The following GNPTAB variants were observed in gnomAD, a reference collection of about 807,000 sequenced individuals.
GNPTAB encodes the protein N-acetylglucosamine-1-phosphotransferase subunits alpha/beta.
A neutral mutation model predicts 136.6 loss-of-function variants in GNPTAB; 92 were observed. The observed-to-expected ratio is 0.67, with a 90% CI of 0.57 to 0.80. The LOEUF is 0.80. Ranked by LOEUF, GNPTAB falls within the 30% of genes least tolerant of loss-of-function variation. The pLI is 0.00. For missense variants in GNPTAB, 1,343 were observed against 1,501.8 expected, an observed-to-expected ratio of 0.89 and a Z score of 1.75; for synonymous variants, 512 against 535.1, an observed-to-expected ratio of 0.96 and a Z score of 0.60.
chr12:101,748,125 G>C (rs576800702), intron 20 of GNPTAB, among the ~76,000 whole-genome samples: 1 of 152,150 alleles, frequency 6.6e-6, no homozygotes, highest in South Asian at 2.1e-4. Flanking sequence ...TACCTGCCAG[G>C]AACAATGGTA....
chr12:101,754,365 G>A (rs1952869103), intron 18 of GNPTAB, among the ~76,000 whole-genome samples: 1 of 151,940 alleles, frequency 6.6e-6, no homozygotes, highest in Admixed American at 6.6e-5. Flanking sequence ...GGCAGAGGTT[G>A]CAGTCAGCAA....
intron 1 of GNPTAB, among the ~76,000 whole-genome samples, chr12:101,806,616 C>A (rs1869948271): frequency 6.6e-6 from 1 of 152,130 alleles, no homozygotes; most frequent in African/African-American, 2.4e-5. Flanking sequence ...CACTACAATA[C>A]CTTCCCCCCT....
At chr12:101,782,805 C>G (rs1187839256) in intron 5 of GNPTAB, among the ~76,000 whole-genome samples, 2 of 152,220 alleles carry the variant, frequency 1.3e-5, no homozygotes, top group Non-Finnish European at 2.9e-5. Flanking sequence ...TCCAGCCACA[C>G]TAGCCTCCTG....
chr12:101,805,263 T>C (rs1869872242), intron 1 of GNPTAB, among the ~76,000 whole-genome samples: 1 of 152,236 alleles, frequency 6.6e-6, no homozygotes, highest in Non-Finnish European at 1.5e-5. Context: ...CTTAATGTAT[T>C]TACCTCCACT....
At chr12:101,827,741 G>T (rs1198519345) in intron 1 of GNPTAB, among the ~76,000 whole-genome samples, 2 of 152,172 alleles carry the variant, frequency 1.3e-5, no homozygotes, top group East Asian at 3.8e-4. Context: ...AAGGCAGGCG[G>T]ATCACCTAAG....
chr12:101,767,404 A>T (rs1306411591), intron 11 of GNPTAB, among the ~76,000 whole-genome samples: 1 of 152,330 alleles, frequency 6.6e-6, no homozygotes, highest in Non-Finnish European at 1.5e-5. Flanking sequence ...TAATTCTGTG[A>T]CCTATCACAA....
Position 101,770,005 on chromosome 12 carries a change from C to T in GNPTAB, c.1284+16G>A, listed in dbSNP as rs1286776684. 2 of 1,612,770 alleles carry T rather than the reference C, an allele frequency of 1.2e-6. No homozygotes were observed. The highest frequency in any genetic ancestry group is 4.5e-5 in the East Asian group (2 of 44,878). On this transcript the variant is annotated intron_variant, in intron 10 of 20. Transcript: ENST00000299314. ...GACTTCCACGCTAGACAACCCCCCT[C>T]CTCTTAGGCACTCACCTTCTGGCCT...
rs2137119351 is a variant in GNPTAB at position 101,766,308 on chromosome 12, G to T, written c.1409-14C>A. 6.2e-7 allele frequency: 1 copy of T among 1,600,822 alleles called. No homozygotes were observed. The highest frequency in any genetic ancestry group is 8.6e-7 in the Non-Finnish European group (1 of 1,168,076). On this transcript the variant is annotated splice_polypyrimidine_tract_variant and intron_variant, in intron 11 of 20. Coordinates refer to ENST00000299314, the MANE Select transcript of GNPTAB (RefSeq NM_024312.5). ...CTCCACTGTTTCCTGTAGATCGGAGGAAGAAGAGGGATTCTTGCTGTAATT... is the reference window on the plus strand; with the variant it reads ...CTCCACTGTTTCCTGTAGATCGGAGTAAGAAGAGGGATTCTTGCTGTAATT...
At chr12:101,803,262 T>G (rs1230428439) in intron 1 of GNPTAB, among the ~76,000 whole-genome samples, 1 of 152,230 alleles carries the variant, frequency 6.6e-6, no homozygotes. Flanking sequence ...AAACAAAATT[T>G]GTTTTGCATG....
chr12:101,811,930 G>A (rs181456143), intron 1 of GNPTAB, among the ~76,000 whole-genome samples: 68 of 150,360 alleles, frequency 4.5e-4, no homozygotes, highest in African/African-American at 1.4e-3. Flanking sequence ...GAGCCGCTGC[G>A]TCCGGCCGGT....
chr12:101,797,383 G>C (rs1427005554), intron 1 of GNPTAB, among the ~76,000 whole-genome samples: 1 of 152,116 alleles, frequency 6.6e-6, no homozygotes, highest in Admixed American at 6.6e-5. Context: ...CTAGCACTTT[G>C]GGAGGCTGAG....
intron 1 of GNPTAB, among the ~76,000 whole-genome samples, chr12:101,808,783 T>C (rs1295389467): frequency 1.3e-5 from 2 of 152,112 alleles, no homozygotes; most frequent in Non-Finnish European, 2.9e-5. Context: ...CCCATCTTTC[T>C]ACTAAAAATA....
chr12:101,798,653 T>C (rs901979087), intron 1 of GNPTAB, among the ~76,000 whole-genome samples: 15 of 152,182 alleles, frequency 9.9e-5, no homozygotes. Context: ...CATAACCGAA[T>C]AAAATCAACT....
chr12:101,781,543 A>G (rs1953344520), intron 5 of GNPTAB, among the ~76,000 whole-genome samples: 1 of 152,020 alleles, frequency 6.6e-6, no homozygotes, highest in South Asian at 2.1e-4. Flanking sequence ...AAACTAGCCG[A>G]GTGTGGTGGT....
intron 1 of GNPTAB, among the ~76,000 whole-genome samples, chr12:101,821,057 CAAA>C (rs57630700): frequency 0.011 from 327 of 28,684 alleles, 1 homozygote; most frequent in African/African-American, 0.029. Context: ...GACTCCGTCT[CAAA>C]AAAAAAAAAA....
chr12:101,762,143 A>G (rs1953007199), intron 13 of GNPTAB, among the ~76,000 whole-genome samples: 1 of 152,240 alleles, frequency 6.6e-6, no homozygotes, highest in South Asian at 2.1e-4. Context: ...CTATTTCTGC[A>G]GGTGATATCA....
chr12:101,754,094 A>T (rs1952863626), intron 18 of GNPTAB, among the ~76,000 whole-genome samples: 1 of 151,798 alleles, frequency 6.6e-6, no homozygotes. Context: ...GGCTGCAGTG[A>T]GGAAAAAAAA....
chr12:101,790,749 A>C (rs1279377028), intron 2 of GNPTAB, among the ~76,000 whole-genome samples: 3 of 151,602 alleles, frequency 2.0e-5, no homozygotes, highest in African/African-American at 7.3e-5. Flanking sequence ...CTAAAAAAAA[A>C]AAAAAAAGAA....
chr12:101,804,701 G>C (rs1869843180), intron 1 of GNPTAB, among the ~76,000 whole-genome samples: 1 of 152,116 alleles, frequency 6.6e-6, no homozygotes, highest in Non-Finnish European at 1.5e-5. Flanking sequence ...CACCATAATG[G>C]GCCAAATAGA....
Sources: gnomAD v4.1 joint callset for allele counts (sites outside exome capture counted in the v4.1 genomes callset) on GRCh38, gnomAD v4.1.1 for gene constraint, MANE v1.5 for transcripts, NCBI Gene and HGNC (gene_info 2026-07-23, HGNC 2026-07-21) for gene names.